ADARB2: variants seen among roughly 807,000 people sequenced by gnomAD.
The protein encoded by ADARB2 is inactive double-stranded RNA-specific editase B2.
ADARB2 carries 25 observed loss-of-function variants against 62.2 expected under a neutral mutation model. That is an observed-to-expected ratio of 0.40 (90% CI 0.29 to 0.56). ADARB2 has a LOEUF of 0.56. ADARB2 is among the 20% of genes least tolerant of loss of function. The pLI is 0.43. For synonymous variants in ADARB2, 572 were observed against 500.8 expected (o/e 1.14, Z -1.90); for missense variants, 1,071 against 1,077.4 (o/e 0.99, Z 0.08).
chr10:1,513,051 G>C (rs947012116), intron 1 of ADARB2, among the ~76,000 whole-genome samples: 4 of 152,180 alleles, frequency 2.6e-5, no homozygotes, highest in African/African-American at 9.7e-5. Flanking sequence ...AATCTGCCAA[G>C]AGAGTAGATT....
At chr10:1,730,843 A>G (rs144460544) in intron 1 of ADARB2, among the ~76,000 whole-genome samples, 3 of 152,344 alleles carry the variant, frequency 2.0e-5, no homozygotes, top group Non-Finnish European at 2.9e-5. Context: ...ATTCCAATAT[A>G]TATGTATTTT....
chr10:1,347,380 G>A (rs1589199624), intron 3 of ADARB2, among the ~76,000 whole-genome samples: 1 of 152,342 alleles, frequency 6.6e-6, no homozygotes, highest in East Asian at 1.9e-4. Context: ...CATTCTCCCA[G>A]CTGCTCTGTG....
At chr10:1,294,479 T>C (rs1831506848) in intron 3 of ADARB2, among the ~76,000 whole-genome samples, 1 of 152,098 alleles carries the variant, frequency 6.6e-6, no homozygotes, top group African/African-American at 2.4e-5. Context: ...CCTGATGGCG[T>C]TTCACCTTAC....
chr10:1,731,209 C>T (rs980506786), intron 1 of ADARB2, among the ~76,000 whole-genome samples: 3 of 152,190 alleles, frequency 2.0e-5, no homozygotes, highest in Non-Finnish European at 4.4e-5. Flanking sequence ...CACTCATAAA[C>T]TTGCAGATGG....
rs528551595 is a variant in ADARB2 at position 1,445,141 on chromosome 10, C to T, written c.101-65981G>A. ...TCCATCCATCCATTTACCATCCATTCACTCACCATCTATCTATCTACATTC... is the reference window on the plus strand; with the variant it reads ...TCCATCCATCCATTTACCATCCATTTACTCACCATCTATCTATCTACATTC... On this transcript the variant is annotated intron_variant, in intron 1 of 9. Transcript: ENST00000381312. 1.5e-4 allele frequency among the ~76,000 whole-genome samples: 22 copies of T among 150,184 alleles called. 1 individual carries two copies. In the South Asian group the frequency reaches 4.7e-3, roughly 32 times the overall value.
At chr10:1,390,509 A>C (rs1305473369) in intron 1 of ADARB2, among the ~76,000 whole-genome samples, 1 of 152,252 alleles carries the variant, frequency 6.6e-6, no homozygotes, top group Non-Finnish European at 1.5e-5. Flanking sequence ...CAAGAAAATA[A>C]ATGATGTAAA....
chr10:1,717,641 G>A (rs184299990), intron 1 of ADARB2, among the ~76,000 whole-genome samples: 3 of 151,276 alleles, frequency 2.0e-5, no homozygotes, highest in Non-Finnish European at 4.4e-5. Context: ...GCAATGGCAT[G>A]ATCTCAGCCC....
chr10:1,684,799 T>G (rs868155986), intron 1 of ADARB2, among the ~76,000 whole-genome samples: 1 of 152,206 alleles, frequency 6.6e-6, no homozygotes, highest in Non-Finnish European at 1.5e-5. Flanking sequence ...AAATGCTTCA[T>G]AAATGGGCAG....
intron 1 of ADARB2, among the ~76,000 whole-genome samples, chr10:1,633,556 C>CTATCTATCTATCTATCTATCTATCTA (rs1564353030): frequency 3.9e-4 from 42 of 107,978 alleles, no homozygotes; most frequent in African/African-American, 6.9e-4. Context: ...TATCATCTAT[C>CTATCTATCTATCTATCTATCTATCTA]TATCTATCTA....
intron 1 of ADARB2, among the ~76,000 whole-genome samples, chr10:1,696,272 TTG>T (rs1463966587): frequency 8.0e-6 from 1 of 125,634 alleles, no homozygotes; most frequent in African/African-American, 3.4e-5. Context: ...ATGTGCCTGT[TTG>T]TGTGTATGCA....
intron 7 of ADARB2, among the ~76,000 whole-genome samples, chr10:1,207,920 G>A (rs1837091080): frequency 6.6e-6 from 1 of 152,214 alleles, no homozygotes; most frequent in South Asian, 2.1e-4. Context: ...GGGTTTGGCT[G>A]TTGGTGAGAG....
intron 6 of ADARB2, among the ~76,000 whole-genome samples, chr10:1,217,459 A>G (rs1042391214): frequency 1.3e-5 from 2 of 152,208 alleles, no homozygotes; most frequent in African/African-American, 4.8e-5. Context: ...CGCGTCCTCA[A>G]TGCTTCATTT....
intron 1 of ADARB2, among the ~76,000 whole-genome samples, chr10:1,724,680 A>C (rs535291322): frequency 7.9e-5 from 12 of 152,336 alleles, no homozygotes; most frequent in Middle Eastern, 6.8e-3. Context: ...ATAGAGCAAT[A>C]AAAGAAGAAC....
chr10:1,266,666 C>A (rs1207444973), intron 4 of ADARB2, among the ~76,000 whole-genome samples: 4 of 152,102 alleles, frequency 2.6e-5, no homozygotes, highest in African/African-American at 9.7e-5. Context: ...ACCAGTCTAA[C>A]GTCTCGTTCA....
rs79872533 is a variant in ADARB2 at position 1,366,089 on chromosome 10, G to C, written c.188-2172C>G. ...CATGCAGCCATGCGTCTGTGACAAG[G>C]CTGCTGATGCGTGGGTAATAAAGAT... On this transcript the variant is annotated intron_variant, in intron 2 of 9. Coordinates refer to ENST00000381312, the MANE Select transcript of ADARB2 (RefSeq NM_018702.4). Among the ~76,000 whole-genome samples, 352 of 152,298 alleles carry C rather than the reference G, an allele frequency of 2.3e-3. 1 individual carries two copies. Among genetic ancestry groups the C allele is most frequent in the African/African-American group, 7.7e-3 (320 of 41,568 alleles).
chr10:1,562,595 C>A (rs1224648004), intron 1 of ADARB2, among the ~76,000 whole-genome samples: 3 of 152,266 alleles, frequency 2.0e-5, no homozygotes, highest in Admixed American at 6.5e-5. Flanking sequence ...TAAGGCCTAG[C>A]ATATAGTAGG....
intron 1 of ADARB2, among the ~76,000 whole-genome samples, chr10:1,434,151 T>TA (rs549812559): frequency 8.4e-4 from 128 of 152,078 alleles, no homozygotes; most frequent in South Asian, 1.5e-3. Context: ...ACGAGAGATT[T>TA]AAAATAACAC....
intron 4 of ADARB2, among the ~76,000 whole-genome samples, chr10:1,244,136 C>G (rs998378396): frequency 1.3e-5 from 2 of 152,228 alleles, no homozygotes; most frequent in Non-Finnish European, 2.9e-5. Flanking sequence ...GGATCTAAGG[C>G]TACAGGGAGC....
At chr10:1,580,155 T>C (rs1833077700) in intron 1 of ADARB2, among the ~76,000 whole-genome samples, 1 of 152,200 alleles carries the variant, frequency 6.6e-6, no homozygotes, top group African/African-American at 2.4e-5. Context: ...ATGTACGTGT[T>C]TGTTGCACAG....
Sources: gnomAD v4.1 joint callset for allele counts (sites outside exome capture counted in the v4.1 genomes callset) on GRCh38, gnomAD v4.1.1 for gene constraint, MANE v1.5 for transcripts, NCBI Gene and HGNC (gene_info 2026-07-23, HGNC 2026-07-21) for gene names.